The following FHIT variants were observed in gnomAD, a reference collection of about 807,000 sequenced individuals.
FHIT encodes fragile histidine triad diadenosine triphosphatase.
FHIT carries 19 observed loss-of-function variants against 17.9 expected under a neutral mutation model. The observed-to-expected ratio is 1.06, with a 90% CI of 0.74 to 1.56. The LOEUF (loss-of-function observed/expected upper bound fraction) is 1.56, where lower values mean the gene tolerates loss of function less well. FHIT is among the 40% of genes most tolerant of loss of function. The pLI is 0.00. For synonymous variants in FHIT, 81 were observed against 69.7 expected, an observed-to-expected ratio of 1.16 and a Z score of -0.81; for missense variants, 248 against 189.2, an observed-to-expected ratio of 1.31 and a Z score of -1.82.
At chr3:59,760,101 T>G (rs1436161967) in intron 8 of FHIT, among the ~76,000 whole-genome samples, 2 of 152,212 alleles carry the variant, frequency 1.3e-5, no homozygotes, top group African/African-American at 4.8e-5. Context: ...CAATGGAGCA[T>G]TAATCATTTG....
intron 2 of FHIT, among the ~76,000 whole-genome samples, chr3:61,184,424 TAG>T (rs1433099273): frequency 6.6e-6 from 1 of 152,208 alleles, no homozygotes; most frequent in South Asian, 2.1e-4. Context: ...GCTGACCTGC[TAG>T]AGAGTCCTCC....
At chr3:60,322,863 T>C (rs966386580) in intron 5 of FHIT, among the ~76,000 whole-genome samples, 3 of 152,170 alleles carry the variant, frequency 2.0e-5, no homozygotes, top group African/African-American at 7.2e-5. Flanking sequence ...GAGGAAATGA[T>C]ATCCCAAATT....
chr3:60,429,741 A>G (rs1443072199), intron 5 of FHIT, among the ~76,000 whole-genome samples: 1 of 152,110 alleles, frequency 6.6e-6, no homozygotes. Context: ...AGAACCCTAC[A>G]TGTAATTTTA....
chr3:60,072,075 G>C (rs1306416251), intron 5 of FHIT, among the ~76,000 whole-genome samples: 2 of 152,102 alleles, frequency 1.3e-5, no homozygotes, highest in Admixed American at 6.6e-5. Context: ...GACTAATACA[G>C]GTAATAAAGA....
chr3:60,757,988 T>C (rs1411236907), intron 4 of FHIT, among the ~76,000 whole-genome samples: 15 of 152,310 alleles, frequency 9.8e-5, no homozygotes, highest in African/African-American at 3.4e-4. Flanking sequence ...TTACATGGAC[T>C]ACGGCCCAGG....
intron 7 of FHIT, among the ~76,000 whole-genome samples, chr3:59,933,890 GT>G (rs1706095550): frequency 6.6e-6 from 1 of 152,154 alleles, no homozygotes; most frequent in Non-Finnish European, 1.5e-5. Context: ...CTCTGTGAAA[GT>G]TTTTAAAGAA....
intron 2 of FHIT, among the ~76,000 whole-genome samples, chr3:61,061,223 C>G (rs1010544393): frequency 1.3e-5 from 2 of 152,158 alleles, no homozygotes; most frequent in African/African-American, 2.4e-5. Context: ...CATTTTCCCC[C>G]CTCCTTTGAG....
chr3:60,860,214 A>G (rs1047191423), intron 3 of FHIT, among the ~76,000 whole-genome samples: 1 of 133,472 alleles, frequency 7.5e-6, no homozygotes, highest in Non-Finnish European at 1.6e-5. Flanking sequence ...TATATGGTAT[A>G]CATGAGATAC....
At chr3:59,879,591 C>T (rs745691467) in intron 8 of FHIT, among the ~76,000 whole-genome samples, 33 of 152,130 alleles carry the variant, frequency 2.2e-4, no homozygotes, top group Non-Finnish European at 4.1e-4. Context: ...ATGACAAAAC[C>T]GGACTGCTCC....
intron 5 of FHIT, among the ~76,000 whole-genome samples, chr3:60,440,263 T>G (rs767250776): frequency 3.3e-5 from 5 of 152,070 alleles, no homozygotes; most frequent in Non-Finnish European, 7.4e-5. Context: ...TTCCCAAGAC[T>G]AGACTTTTCT....
rs530923671 is a variant in FHIT at position 61,104,849 on chromosome 3, G to T, written c.-163-62750C>A. On this transcript the variant is annotated intron_variant, in intron 2 of 9. Transcript: ENST00000492590. ...ACTCTGAAATTGTTTCCTCTGCTTG[G>T]TCTATTCTACTATTAATACTTGTGA... Among the ~76,000 whole-genome samples the T allele has an allele frequency of 2.4e-4, 37 of 151,908 alleles. 1 individual carries two copies. The South Asian group carries it at 7.7e-3, about 32-fold the overall frequency.
rs201736939 is a variant in FHIT at position 59,836,690 on chromosome 3, G to T, written c.349-84369C>A. 2.5e-3 allele frequency among the ~76,000 whole-genome samples: 383 copies of T among 152,272 alleles called. 17 individuals carry two copies. In the East Asian group the frequency reaches 0.067, roughly 27 times the overall value. On this transcript the variant is annotated intron_variant, in intron 8 of 9. Transcript: ENST00000492590. ...TGTGGCAGCTGAAGTCCAAATTTTT[G>T]AGAGTAATTGGGCCCAGGCTGTTAA...
At chr3:60,429,570 G>C (rs995912652) in intron 5 of FHIT, among the ~76,000 whole-genome samples, 3 of 152,042 alleles carry the variant, frequency 2.0e-5, no homozygotes, top group African/African-American at 7.2e-5. Context: ...CCAGGCAGCA[G>C]GTTTAACATG....
At chr3:60,978,560 C>T (rs1026445575) in intron 3 of FHIT, among the ~76,000 whole-genome samples, 1 of 152,178 alleles carries the variant, frequency 6.6e-6, no homozygotes, top group Non-Finnish European at 1.5e-5. Context: ...ATCAAACAAA[C>T]TTGGGTTGGA....
At chr3:60,883,746 G>C (rs376187390) in intron 3 of FHIT, among the ~76,000 whole-genome samples, 1 of 151,972 alleles carries the variant, frequency 6.6e-6, no homozygotes, top group Non-Finnish European at 1.5e-5. Flanking sequence ...GTAAGGCCTC[G>C]AACTATAAAA....
At chr3:60,297,788 T>C (rs1012655211) in intron 5 of FHIT, among the ~76,000 whole-genome samples, 1 of 152,090 alleles carries the variant, frequency 6.6e-6, no homozygotes, top group African/African-American at 2.4e-5. Flanking sequence ...CTGGGTATCC[T>C]AGAATTCAAT....
chr3:59,890,674 A>T (rs1302234125), intron 8 of FHIT, among the ~76,000 whole-genome samples: 1 of 152,220 alleles, frequency 6.6e-6, no homozygotes, highest in Non-Finnish European at 1.5e-5. Context: ...TCTTTGAAAC[A>T]CTATTACCAA....
At chr3:59,905,298 C>A (rs1313532120) in intron 8 of FHIT, among the ~76,000 whole-genome samples, 1 of 152,138 alleles carries the variant, frequency 6.6e-6, no homozygotes, top group Admixed American at 6.5e-5. Flanking sequence ...ATACAGAGGA[C>A]GAACTTCAAG....
chr3:60,009,744 C>A (rs773980725), intron 7 of FHIT, among the ~76,000 whole-genome samples: 1 of 152,168 alleles, frequency 6.6e-6, no homozygotes. Flanking sequence ...AAGTCCACAA[C>A]GTTTTCATTA....
Sources: gnomAD v4.1 joint callset for allele counts (sites outside exome capture counted in the v4.1 genomes callset) on GRCh38, gnomAD v4.1.1 for gene constraint, MANE v1.5 for transcripts, NCBI Gene and HGNC (gene_info 2026-07-23, HGNC 2026-07-21) for gene names.